The following DIAPH3 variants were observed in gnomAD, a reference collection of about 807,000 sequenced individuals.
The protein encoded by DIAPH3 is protein diaphanous homolog 3.
Under a neutral mutation model 144.3 loss-of-function variants are expected in DIAPH3, and 117 were observed. The ratio of observed to expected loss-of-function variants is 0.81; its 90% CI spans 0.70 to 0.95. The LOEUF (loss-of-function observed/expected upper bound fraction) is 0.95. Among genes scored for constraint, DIAPH3 ranks in the 40% least tolerant of loss-of-function variants. The pLI is 0.00. For missense variants in DIAPH3, 1,421 were observed against 1,412.7 expected, an observed-to-expected ratio of 1.01 and a Z score of -0.09; for synonymous variants, 519 against 488.9, an observed-to-expected ratio of 1.06 and a Z score of -0.81.
intron 3 of DIAPH3, among the ~76,000 whole-genome samples, chr13:60,106,620 A>G (rs2058428826): frequency 6.6e-6 from 1 of 152,150 alleles, no homozygotes; most frequent in South Asian, 2.1e-4. Context: ...TGCAACACAT[A>G]TAAACTGAAC....
chr13:59,920,268 C>G (rs1296967828), intron 18 of DIAPH3, among the ~76,000 whole-genome samples: 2 of 151,588 alleles, frequency 1.3e-5, no homozygotes, highest in East Asian at 1.9e-4. Flanking sequence ...TGAATGAAAA[C>G]AAAACAAAAC....
At chr13:59,821,814 A>T (rs2041089637) in intron 24 of DIAPH3, among the ~76,000 whole-genome samples, 2 of 152,212 alleles carry the variant, frequency 1.3e-5, no homozygotes, top group South Asian at 2.1e-4. Context: ...TCTGGCACAA[A>T]CAATTCATCA....
At chr13:59,747,823 C>T (rs2036782124) in intron 27 of DIAPH3, among the ~76,000 whole-genome samples, 1 of 152,104 alleles carries the variant, frequency 6.6e-6, no homozygotes, top group Admixed American at 6.5e-5. Context: ...CATTTTGGTT[C>T]CTAGATTTCT....
At chr13:59,799,064 G>A (rs1383384643) in intron 25 of DIAPH3, among the ~76,000 whole-genome samples, 1 of 152,108 alleles carries the variant, frequency 6.6e-6, no homozygotes, top group East Asian at 1.9e-4. Flanking sequence ...GAGTGCAAGA[G>A]AAGAATGTTT....
intron 20 of DIAPH3, among the ~76,000 whole-genome samples, chr13:59,902,703 G>A (rs2046509634): frequency 6.6e-6 from 1 of 152,138 alleles, no homozygotes; most frequent in South Asian, 2.1e-4. Context: ...ATGAACTGGG[G>A]AGGCACATGG....
In DIAPH3 at chr13:59,909,495, C is replaced by G. The variant is rs753257704; in HGVS notation, c.2367+2240G>C. ...AAAAAGGTAAAATCTAAGAACATTA[C>G]TATTTGACAAAAAATAAAATAAAAA... On this transcript the variant is annotated intron_variant, in intron 20 of 27. Transcript: ENST00000400324. 5.3e-5 allele frequency among the ~76,000 whole-genome samples: 8 copies of G among 152,134 alleles called. No homozygotes were observed. In the South Asian group the frequency reaches 1.7e-3, roughly 32 times the overall value.
intron 24 of DIAPH3, among the ~76,000 whole-genome samples, chr13:59,832,500 A>G (rs1044734760): frequency 6.6e-6 from 1 of 151,868 alleles, no homozygotes; most frequent in Admixed American, 6.6e-5. Context: ...CAGTTTCCCT[A>G]GGGAGGCAAC....
chr13:59,833,327 G>C lies in DIAPH3; in HGVS notation c.2863-56C>G. ...ACAAAGTAATGCTTTGGGGGCAGGG[G>C]GAACTCTGTAAATCCAATGTTTTAG... On this transcript the variant is annotated intron_variant, in intron 23 of 27. Transcript: ENST00000400324. 6 of 1,401,462 alleles carry C rather than the reference G, an allele frequency of 4.3e-6. No individual in the cohort carries two copies. The South Asian group carries it at 7.5e-5, about 17-fold the overall frequency. The allele number at this position is 1,401,462 out of a possible 1,614,324, so 86.8% of individuals were successfully genotyped here. A position where few individuals can be genotyped will look rare whatever the true frequency, so the allele number is the denominator to read the frequency against.
intron 4 of DIAPH3, among the ~76,000 whole-genome samples, chr13:60,088,553 C>G (rs2057827639): frequency 6.6e-6 from 1 of 152,118 alleles, no homozygotes; most frequent in Non-Finnish European, 1.5e-5. Context: ...CCGGACAAAC[C>G]TGAAAGTAGA....
chr13:59,715,823 T>C (rs2035022007), intron 27 of DIAPH3, among the ~76,000 whole-genome samples: 1 of 152,178 alleles, frequency 6.6e-6, no homozygotes, highest in African/African-American at 2.4e-5. Context: ...ACTTGCCACA[T>C]TTATTGTGAG....
chr13:60,006,931 T>C (rs759457273), intron 9 of DIAPH3, among the ~76,000 whole-genome samples: 15 of 152,206 alleles, frequency 9.9e-5, no homozygotes, highest in Non-Finnish European at 1.9e-4. Context: ...TGGTCAGATC[T>C]TCAATCCTGC....
intron 24 of DIAPH3, chr13:59,832,819 C>A (rs771551757): frequency 1.3e-5 from 4 of 312,798 alleles, no homozygotes; most frequent in African/African-American, 2.1e-5. Flanking sequence ...TAGCCAAAAA[C>A]TTATTACAGA....
chr13:60,004,364 A>G (rs749928442), intron 9 of DIAPH3, among the ~76,000 whole-genome samples: 6 of 152,194 alleles, frequency 3.9e-5, no homozygotes, highest in Non-Finnish European at 7.3e-5. Flanking sequence ...GTATTTTTAG[A>G]TATTACTACA....
At chr13:59,799,724 C>T (rs2039805272) in intron 25 of DIAPH3, among the ~76,000 whole-genome samples, 1 of 152,098 alleles carries the variant, frequency 6.6e-6, no homozygotes, top group Non-Finnish European at 1.5e-5. Context: ...TATTAAACAC[C>T]TGCTATGGAA....
chr13:59,898,676 C>T (rs530589024), intron 20 of DIAPH3, among the ~76,000 whole-genome samples: 1 of 152,150 alleles, frequency 6.6e-6, no homozygotes, highest in Non-Finnish European at 1.5e-5. Flanking sequence ...ATTCCTGCCA[C>T]CATAGATACT....
At chr13:59,681,491 T>TA (rs2032945198) in intron 27 of DIAPH3, among the ~76,000 whole-genome samples, 1 of 151,798 alleles carries the variant, frequency 6.6e-6, no homozygotes, top group African/African-American at 2.4e-5. Context: ...ACAAAAAGAT[T>TA]AAAAAAAATT....
intron 24 of DIAPH3, among the ~76,000 whole-genome samples, chr13:59,823,611 G>T (rs1292270734): frequency 3.3e-5 from 5 of 152,126 alleles, no homozygotes; most frequent in African/African-American, 7.2e-5. Context: ...ACTTGTACAT[G>T]ATTTTCCTTC....
At chr13:59,961,133 G>A (rs1438243691) in intron 17 of DIAPH3, among the ~76,000 whole-genome samples, 2 of 152,118 alleles carry the variant, frequency 1.3e-5, no homozygotes, top group Admixed American at 6.5e-5. Flanking sequence ...AGGCTACAGT[G>A]AACATAGGCC....
rs1452476943 is a variant in DIAPH3, at chr13:60,163,821, G to A, written c.-55C>T. ...AAGGTGGCCACTCAGCAAGCCGCAA[G>A]CTGGAAGCTGAGGGATCGACAACAG... On this transcript the variant is annotated 5_prime_UTR_variant, in exon 1 of 28. Transcript: ENST00000400324. 1.3e-5 allele frequency: 20 copies of A among 1,535,338 alleles called. No homozygotes were observed. The highest frequency in any genetic ancestry group is 1.6e-5 in the Non-Finnish European group (18 of 1,144,876).
Sources: allele counts gnomAD v4.1 joint callset (sites outside exome capture counted in the v4.1 genomes callset), GRCh38; gene constraint gnomAD v4.1.1; transcripts MANE v1.5; gene names NCBI Gene and HGNC (gene_info 2026-07-23, HGNC 2026-07-21).